Variants in VAPB observed in about 807,000 individuals in gnomAD.
VAPB encodes vesicle-associated membrane protein-associated protein B/C.
In VAPB, 7 loss-of-function variants were observed where a neutral mutation model predicts 25.6. The observed-to-expected ratio is 0.27, with a 90% CI of 0.16 to 0.51. VAPB has a LOEUF of 0.51. Ranked by LOEUF, VAPB falls within the 20% of genes least tolerant of loss-of-function variation. VAPB has a pLI of 0.97. For missense variants in VAPB, 266 were observed against 301.3 expected, an observed-to-expected ratio of 0.88 and a Z score of 0.87; for synonymous variants, 112 against 109.2, an observed-to-expected ratio of 1.03 and a Z score of -0.16.
At chr20:58,420,808 A>G (rs561110660) in intron 2 of VAPB, among the ~76,000 whole-genome samples, 5 of 152,340 alleles carry the variant, frequency 3.3e-5, no homozygotes, top group Admixed American at 1.3e-4. Context: ...CAGCCTTGCA[A>G]GTCAGCAAAG....
At chr20:58,396,463 C>G (rs547256098) in intron 1 of VAPB, among the ~76,000 whole-genome samples, 1 of 152,292 alleles carries the variant, frequency 6.6e-6, no homozygotes, top group South Asian at 2.1e-4. Flanking sequence ...TTAGCTTGTA[C>G]TTTAAGACAA....
rs574879541 is a variant in VAPB, at chr20:58,441,022, A to T, written c.512A>T (p.Glu171Val). ...GACACCGAAGTTAAGAAGGTTATGG[A>T]AGAATGTAAGAGGCTGCAAGGTGAA... ...LDDTEVKKVM[E>V]ECKRLQGEVQ... Residue 171 changes from glutamate to valine, a missense_variant, in exon 5 of 6, where the codon GAA becomes GTA. Glu to Val is a moderately radical substitution (Grantham distance 121). Coordinates refer to ENST00000475243, the MANE Select transcript of VAPB (RefSeq NM_004738.5). 1.2e-6 allele frequency: 2 copies of T among 1,614,118 alleles called. No individual in the cohort carries two copies. Among genetic ancestry groups the T allele is most frequent in the Non-Finnish European group, 1.7e-6 (2 of 1,180,028 alleles).
At chr20:58,395,640 A>T (rs554831630) in intron 1 of VAPB, among the ~76,000 whole-genome samples, 8 of 152,294 alleles carry the variant, frequency 5.3e-5, no homozygotes, top group Non-Finnish European at 1.0e-4. Context: ...CTTTTGCGTT[A>T]TTTTGCACCG....
At chr20:58,439,118 A>G in intron 4 of VAPB, 93 bp downstream of exon 4, 6 of 1,227,674 alleles carry the variant, frequency 4.9e-6, no homozygotes, top group Non-Finnish European at 7.1e-6. Context: ...AAGTTGGCAA[A>G]TTATTTTCCT....
At position 58,434,606 on chromosome 20, in the gene VAPB, GTTACAGCCTTTCGA is replaced by G; in HGVS notation, c.220_233del (p.Gln74Ter). On this transcript the variant is annotated frameshift_variant, in exon 3 of 6. Transcript: ENST00000475243. LOFTEE classifies it high-confidence loss of function. The stretch of plus-strand genomic sequence containing the variant: ...ATGAAATATTTTCTTTCTCAGTGAT[GTTACAGCCTTTCGA>G]TTATGATCCCAATGAGAAAAGTAAA... The G allele has an allele frequency of 6.5e-7, 1 of 1,527,122 alleles. No homozygotes were observed. Among genetic ancestry groups the G allele is most frequent in the Non-Finnish European group, 9.1e-7 (1 of 1,101,466 alleles). The allele number at this position is 1,527,122 out of a possible 1,614,324, so 94.6% of individuals were successfully genotyped here.
chr20:58,422,175 T>C (rs991934371), intron 2 of VAPB, among the ~76,000 whole-genome samples: 1 of 152,056 alleles, frequency 6.6e-6, no homozygotes, highest in Non-Finnish European at 1.5e-5. Flanking sequence ...GGTGCTCGTC[T>C]CATCTCATTT....
intron 1 of VAPB, among the ~76,000 whole-genome samples, chr20:58,400,802 C>T (rs1988079270): frequency 6.6e-6 from 1 of 152,168 alleles, no homozygotes; most frequent in South Asian, 2.1e-4. Flanking sequence ...AGAGGTTTGT[C>T]CTTGTGGAGG....
chr20:58,425,780 T>C (rs982254938), intron 2 of VAPB, among the ~76,000 whole-genome samples: 16 of 152,166 alleles, frequency 1.1e-4, no homozygotes, highest in African/African-American at 3.9e-4. Flanking sequence ...ACACAAAAAT[T>C]CCGGAGGTGG....
chr20:58,394,936 A>G (rs1358657982), intron 1 of VAPB, among the ~76,000 whole-genome samples: 2 of 152,246 alleles, frequency 1.3e-5, no homozygotes, highest in Admixed American at 6.5e-5. Flanking sequence ...CGTTAACACT[A>G]TCTTGTATTT....
At chr20:58,442,716 G>C (rs570348034) in intron 5 of VAPB, among the ~76,000 whole-genome samples, 44 of 152,348 alleles carry the variant, frequency 2.9e-4, no homozygotes, top group African/African-American at 1.0e-3. Context: ...GGAGCTCTCT[G>C]TTGTTGGGAT....
At chr20:58,435,610 G>T (rs948138850) in intron 3 of VAPB, among the ~76,000 whole-genome samples, 3 of 152,176 alleles carry the variant, frequency 2.0e-5, no homozygotes, top group African/African-American at 7.2e-5. Context: ...GGCAACTCAG[G>T]CCAAGACCAC....
At chr20:58,397,821 G>C (rs1987999783) in intron 1 of VAPB, among the ~76,000 whole-genome samples, 1 of 152,134 alleles carries the variant, frequency 6.6e-6, no homozygotes. Context: ...ATAAACTAGA[G>C]ACTTGTCTCA....
intron 1 of VAPB, among the ~76,000 whole-genome samples, chr20:58,395,400 C>T (rs532368221): frequency 3.3e-5 from 5 of 152,242 alleles, no homozygotes; most frequent in Admixed American, 6.5e-5. Flanking sequence ...CCGCCCACCT[C>T]GGCCTCCCAA....
chr20:58,405,813 C>T (rs779366873), intron 1 of VAPB, among the ~76,000 whole-genome samples: 183 of 119,788 alleles, frequency 1.5e-3, no homozygotes, highest in Non-Finnish European at 2.3e-3. Context: ...TGCAGTGGTG[C>T]GATCTCACTC....
chr20:58,412,430 ATT>A (rs2123046671), intron 1 of VAPB, among the ~76,000 whole-genome samples: 1 of 152,202 alleles, frequency 6.6e-6, no homozygotes, highest in Admixed American at 6.5e-5. Context: ...AAATACAAAA[ATT>A]AGCCAGGTGT....
intron 5 of VAPB, among the ~76,000 whole-genome samples, chr20:58,442,559 A>G (rs1229261331): frequency 6.6e-6 from 1 of 152,174 alleles, no homozygotes; most frequent in African/African-American, 2.4e-5. Context: ...GATCAGACCA[A>G]TCTCAACATT....
At chr20:58,411,583 C>T (rs746854068) in intron 1 of VAPB, among the ~76,000 whole-genome samples, 5 of 152,312 alleles carry the variant, frequency 3.3e-5, no homozygotes, top group African/African-American at 9.6e-5. Context: ...GACATCTTTT[C>T]GTATGTTTAT....
chr20:58,393,592 G>A (rs1175147192), intron 1 of VAPB, among the ~76,000 whole-genome samples: 1 of 152,060 alleles, frequency 6.6e-6, no homozygotes. Context: ...TAAATAGTAT[G>A]TCATATATTT....
chr20:58,418,521 C>T (rs1218948952), intron 2 of VAPB, among the ~76,000 whole-genome samples, 158 bp downstream of exon 2: 3 of 149,358 alleles, frequency 2.0e-5, no homozygotes, highest in Admixed American at 6.7e-5. Flanking sequence ...CCCTCCACCC[C>T]GTGATCAGAA....
Sources: gnomAD v4.1 joint callset for allele counts (sites outside exome capture counted in the v4.1 genomes callset) on GRCh38, gnomAD v4.1.1 for gene constraint, MANE v1.5 for transcripts, NCBI Gene and HGNC (gene_info 2026-07-23, HGNC 2026-07-21) for gene names.